ANKS1B: variants seen among roughly 807,000 people sequenced by gnomAD.
ANKS1B encodes ankyrin repeat and sterile alpha motif domain containing 1B.
A neutral mutation model predicts 148.3 loss-of-function variants in ANKS1B; 36 were observed. The ratio of observed to expected loss-of-function variants is 0.24; its 90% CI spans 0.19 to 0.32. ANKS1B has a LOEUF of 0.32. Ranked by LOEUF, ANKS1B falls within the 10% of genes least tolerant of loss-of-function variation. The probability of loss-of-function intolerance (pLI) is 1.00; values close to 1 mark genes in which losing one functional copy is unlikely to be tolerated. For missense variants in ANKS1B, 1,157 were observed against 1,542.6 expected, an observed-to-expected ratio of 0.75 and a Z score of 4.19; for synonymous variants, 542 against 560.8, an observed-to-expected ratio of 0.97 and a Z score of 0.47.
chr12:99,047,723 CTA>C (rs1357365496), intron 17 of ANKS1B, among the ~76,000 whole-genome samples: 1 of 152,108 alleles, frequency 6.6e-6, no homozygotes, highest in Non-Finnish European at 1.5e-5. Flanking sequence ...CCCAGCAAAA[CTA>C]TGTTTCATGA....
At chr12:99,643,849 T>C (rs1408771551) in intron 9 of ANKS1B, among the ~76,000 whole-genome samples, 2 of 152,192 alleles carry the variant, frequency 1.3e-5, no homozygotes, top group African/African-American at 2.4e-5. Flanking sequence ...CTCTGTGTGG[T>C]TGAATAATCT....
rs577366772 is a variant in ANKS1B, at chr12:99,264,959, C to T, written c.1757-18095G>A. Among the ~76,000 whole-genome samples, 10 of 152,232 alleles carry T rather than the reference C, an allele frequency of 6.6e-5. No homozygotes were observed. In the South Asian group the frequency reaches 2.1e-3, roughly 32 times the overall value. On this transcript the variant is annotated intron_variant, in intron 12 of 26. Coordinates refer to ENST00000683438, the MANE Select transcript of ANKS1B (RefSeq NM_001352186.2). Reference sequence around the variant, plus strand: ...TTTACTTCATTGGCCTAGTGTAGGGCTGTTCAGTAGAATTTTCTATGATGA... The same window carrying T: ...TTTACTTCATTGGCCTAGTGTAGGGTTGTTCAGTAGAATTTTCTATGATGA...
At chr12:99,635,170 A>G (rs2098220626) in intron 9 of ANKS1B, among the ~76,000 whole-genome samples, 1 of 152,192 alleles carries the variant, frequency 6.6e-6, no homozygotes, top group Non-Finnish European at 1.5e-5. Context: ...ATTTAAAATG[A>G]TGCAGCCACT....
intron 14 of ANKS1B, among the ~76,000 whole-genome samples, chr12:99,198,913 T>C (rs2081713776): frequency 6.6e-6 from 1 of 152,218 alleles, no homozygotes; most frequent in South Asian, 2.1e-4. Context: ...TTAAATGAAT[T>C]GCTGGTTCCA....
intron 18 of ANKS1B, chr12:98,830,953 T>TTTTTTTTTTTTTG (rs2099308710): frequency 7.6e-6 from 1 of 131,974 alleles, no homozygotes; most frequent in African/African-American, 2.8e-5. Context: ...TTTTTTTTTT[T>TTTTTTTTTTTTTG]TTTTTTTTTT....
chr12:98,860,201 C>T lies in ANKS1B; in HGVS notation c.2779-28065G>A, dbSNP rs149677851. Among the ~76,000 whole-genome samples, 671 of 152,328 alleles carry T rather than the reference C, an allele frequency of 4.4e-3. 4 individuals are homozygous for T. The highest frequency in any genetic ancestry group is 0.016 in the African/African-American group (646 of 41,576). On this transcript the variant is annotated intron_variant, in intron 17 of 26. Transcript: ENST00000683438. ...TATCCTGATACACATCCTTTCACAC[C>T]TGGATGCCAAACACATACACTGAAA...
intron 5 of ANKS1B, among the ~76,000 whole-genome samples, chr12:99,780,757 A>G (rs2064215765): frequency 6.6e-6 from 1 of 152,230 alleles, no homozygotes; most frequent in African/African-American, 2.4e-5. Context: ...TGTAAGTAAC[A>G]TAAGAACAGT....
chr12:98,890,916 GTC>G (rs966316249), intron 17 of ANKS1B, among the ~76,000 whole-genome samples: 6 of 152,202 alleles, frequency 3.9e-5, no homozygotes, highest in African/African-American at 1.4e-4. Context: ...CTTCCCATGT[GTC>G]TCAGAGGCTG....
At chr12:99,155,078 GGTTATAC>G in intron 14 of ANKS1B, 2 of 1,533,448 alleles carry the variant, frequency 1.3e-6, no homozygotes, top group Non-Finnish European at 1.7e-6. Context: ...TCTTCATACT[GGTTATAC>G]GTTACAGAGC....
chr12:99,739,583 T>C (rs1022592769), intron 8 of ANKS1B, among the ~76,000 whole-genome samples: 1 of 152,096 alleles, frequency 6.6e-6, no homozygotes, highest in Non-Finnish European at 1.5e-5. Context: ...TAAACAAAAC[T>C]AAAAATATTT....
intron 15 of ANKS1B, among the ~76,000 whole-genome samples, chr12:99,095,274 C>T (rs920289848): frequency 2.0e-5 from 3 of 152,184 alleles, no homozygotes; most frequent in Admixed American, 1.3e-4. Context: ...CCTCCCACTG[C>T]AGAGGCTGGA....
intron 12 of ANKS1B, among the ~76,000 whole-genome samples, chr12:99,346,539 T>C (rs77224294): frequency 0.018 from 2,674 of 152,010 alleles, 83 homozygotes; most frequent in African/African-American, 0.061. Context: ...ACTTAAAATA[T>C]GTTATGAAGG....
intron 10 of ANKS1B, among the ~76,000 whole-genome samples, chr12:99,452,020 C>G (rs2058729155): frequency 6.6e-6 from 1 of 152,034 alleles, no homozygotes; most frequent in Admixed American, 6.6e-5. Context: ...TCTAACAATT[C>G]ATGAAGCACA....
At chr12:99,603,472 G>A (rs1200617028) in intron 9 of ANKS1B, among the ~76,000 whole-genome samples, 1 of 151,998 alleles carries the variant, frequency 6.6e-6, no homozygotes, top group Non-Finnish European at 1.5e-5. Flanking sequence ...GGCTTTATTG[G>A]CTCCATAATG....
In ANKS1B at chr12:99,244,441, G is replaced by A. The variant is rs377239996; in HGVS notation, c.2347-27C>T. The A allele has an allele frequency of 4.9e-6, 7 of 1,436,502 alleles. No homozygotes were observed. The African/African-American group carries it at 1.0e-4, about 20-fold the overall frequency. 89.0% of individuals were successfully genotyped at this position (1,436,502 alleles called of 1,614,324 possible). A position where few individuals can be genotyped will look rare whatever the true frequency, so the allele number is the denominator to read the frequency against. ...TGTAAGAAACAAAAACCATTTAAAT[G>A]GATTGTTACATTCACTTTTAACATT... On this transcript the variant is annotated intron_variant, in intron 13 of 26. Coordinates refer to ENST00000683438, the MANE Select transcript of ANKS1B (RefSeq NM_001352186.2).
At chr12:99,226,580 C>T (rs1363683470) in intron 14 of ANKS1B, among the ~76,000 whole-genome samples, 1 of 152,138 alleles carries the variant, frequency 6.6e-6, no homozygotes, top group Non-Finnish European at 1.5e-5. Flanking sequence ...GAATATAATA[C>T]ACATGTCACA....
At chr12:99,719,803 A>C (rs1477834932) in intron 8 of ANKS1B, among the ~76,000 whole-genome samples, 1 of 152,174 alleles carries the variant, frequency 6.6e-6, no homozygotes, top group Non-Finnish European at 1.5e-5. Flanking sequence ...TTCACTGCAA[A>C]GGCCATCAAA....
chr12:99,912,508 C>T (rs759364746), intron 1 of ANKS1B, among the ~76,000 whole-genome samples: 3 of 152,004 alleles, frequency 2.0e-5, no homozygotes, highest in Admixed American at 6.6e-5. Flanking sequence ...CACACCACCA[C>T]GCCTGGCTAA....
At chr12:99,784,248 T>TGCAA in intron 4 of ANKS1B, among the ~76,000 whole-genome samples, 1 of 149,432 alleles carries the variant, frequency 6.7e-6, no homozygotes, top group African/African-American at 2.5e-5. Context: ...CTCAGCTCAC[T>TGCAA]GCAAGCTCCG....
Sources: allele counts gnomAD v4.1 joint callset (sites outside exome capture counted in the v4.1 genomes callset), GRCh38; gene constraint gnomAD v4.1.1; transcripts MANE v1.5; gene names NCBI Gene and HGNC (gene_info 2026-07-23, HGNC 2026-07-21).